Variants in TNPO1 observed in about 807,000 individuals in gnomAD.
The protein encoded by TNPO1 is transportin-1.
Under a neutral mutation model 119.5 loss-of-function variants are expected in TNPO1, and 8 were observed. The ratio of observed to expected loss-of-function variants is 0.07; its 90% CI spans 0.04 to 0.12. The LOEUF (loss-of-function observed/expected upper bound fraction) is 0.12, where lower values mean the gene tolerates loss of function less well. Ranked by LOEUF, TNPO1 falls within the 10% of genes least tolerant of loss-of-function variation. The probability of loss-of-function intolerance (pLI) is 1.00; values close to 1 mark genes in which losing one functional copy is unlikely to be tolerated. For missense variants in TNPO1, 576 were observed against 1,089.8 expected, an observed-to-expected ratio of 0.53 and a Z score of 6.64; for synonymous variants, 362 against 363.0, an observed-to-expected ratio of 1.00 and a Z score of 0.03.
At chr5:72,862,677 G>A (rs1401909378) in intron 5 of TNPO1, among the ~76,000 whole-genome samples, 1 of 150,976 alleles carries the variant, frequency 6.6e-6, no homozygotes. Context: ...ACAGGGTCTC[G>A]CTCTGTTGCC....
intron 1 of TNPO1, among the ~76,000 whole-genome samples, chr5:72,823,292 C>T (rs1744060296): frequency 6.6e-6 from 1 of 152,006 alleles, no homozygotes; most frequent in South Asian, 2.1e-4. Flanking sequence ...GCCCACTGTC[C>T]CACTCTCCAG....
intron 1 of TNPO1, among the ~76,000 whole-genome samples, chr5:72,842,500 A>G (rs895770433): frequency 8.5e-5 from 13 of 152,224 alleles, no homozygotes; most frequent in African/African-American, 2.9e-4. Context: ...ATTAGCTATC[A>G]CTATTACTAA....
At chr5:72,878,944 G>T in intron 9 of TNPO1, 1 of 503,166 alleles carries the variant, frequency 2.0e-6, no homozygotes, top group Non-Finnish European at 4.1e-6. Flanking sequence ...TTGAAATTTG[G>T]CACGAACCAT....
chr5:72,850,190 G>A (rs1388325722), intron 2 of TNPO1, among the ~76,000 whole-genome samples: 1 of 152,116 alleles, frequency 6.6e-6, no homozygotes, highest in Non-Finnish European at 1.5e-5. Context: ...AGTACTTTTT[G>A]AAAGACCGCT....
intron 2 of TNPO1, among the ~76,000 whole-genome samples, chr5:72,849,045 C>G (rs973828001): frequency 6.6e-6 from 1 of 151,658 alleles, no homozygotes. Context: ...CACGTCCTTG[C>G]CCTAAAAAGG....
intron 1 of TNPO1, among the ~76,000 whole-genome samples, chr5:72,819,837 CTTATG>C (rs775932129): frequency 5.3e-4 from 81 of 152,284 alleles, no homozygotes; most frequent in Non-Finnish European, 6.9e-4. Context: ...ACTTTTTCAT[CTTATG>C]TTATGAGGAT....
chr5:72,848,146 C>G, intron 1 of TNPO1: 1 of 1,208,912 alleles, frequency 8.3e-7, no homozygotes. Flanking sequence ...GCTCCTTGCG[C>G]TCGGCGGCCG....
At chr5:72,826,233 T>C (rs1744200958) in intron 1 of TNPO1, among the ~76,000 whole-genome samples, 1 of 152,154 alleles carries the variant, frequency 6.6e-6, no homozygotes, top group Non-Finnish European at 1.5e-5. Flanking sequence ...CTTTTTATTT[T>C]TTGCATAGCA....
Position 72,900,031 on chromosome 5 carries a change from C to T in TNPO1, c.2364C>T (p.Tyr788=). 1 of 1,613,800 alleles carries T rather than the reference C, an allele frequency of 6.2e-7. No homozygotes were observed. Among genetic ancestry groups the T allele is most frequent in the Non-Finnish European group, 8.5e-7 (1 of 1,179,850 alleles). The change falls in exon 21 of 25, where the codon TAC becomes TAT. Residue 788 remains tyrosine (Y), a synonymous_variant. Transcript: ENST00000337273. ...NTAITIGRLG[Y]VCPQEVAPML... ...CAATAACAATTGGTCGTCTTGGTTA[C>T]GTTTGTCCTCAAGAGGTGGCCCCCA...
In TNPO1 at chr5:72,843,494, T is replaced by C. The variant is rs183573300; in HGVS notation, c.16-4891T>C. Among the ~76,000 whole-genome samples the C allele has an allele frequency of 1.7e-3, 255 of 151,314 alleles. 2 individuals are homozygous for C. The highest frequency in any genetic ancestry group is 5.9e-3 in the African/African-American group (244 of 41,196). On this transcript the variant is annotated intron_variant, in intron 1 of 24. Transcript: ENST00000337273. ...CTGTAATCCCAGCTACTCGGGAGGC[T>C]GAGGCAGGAGAATTGTTTGAACCTG...
chr5:72,824,334 C>G (rs1744111445), intron 1 of TNPO1, among the ~76,000 whole-genome samples: 1 of 152,210 alleles, frequency 6.6e-6, no homozygotes, highest in African/African-American at 2.4e-5. Flanking sequence ...CCTTTGGGAG[C>G]AGTATTTCTC....
intron 1 of TNPO1, among the ~76,000 whole-genome samples, chr5:72,841,880 T>TA (rs973619164): frequency 0.02 from 2,903 of 143,098 alleles, 61 homozygotes; most frequent in African/African-American, 0.054. Flanking sequence ...CATTTTTCTG[T>TA]AAAAAAAAAA....
In TNPO1 at chr5:72,891,877, A is replaced by G; in HGVS notation, c.1769A>G (p.Asp590Gly). The G allele has an allele frequency of 6.2e-7, 1 of 1,611,584 alleles. No homozygotes were observed. The highest frequency in any genetic ancestry group is 1.1e-5 in the South Asian group (1 of 90,618). Residue 590 changes from aspartate (D) to glycine (G), a missense_variant, in exon 15 of 25, where the codon GAT becomes GGT. Asp to Gly is a moderately conservative substitution (Grantham distance 94). This residue lies in a region of TNPO1 where 23 missense variants were observed against 105.8 expected (regional missense o/e 0.22). Coordinates refer to ENST00000337273, the MANE Select transcript of TNPO1 (RefSeq NM_002270.4). ...KWNMLKDEDK[D>G]LFPLLECLSS... ...AACATGTTAAAGGATGAAGATAAAG[A>G]TCTCTTCCCTTTACTTGAGGTATGC...
intron 9 of TNPO1, chr5:72,878,738 A>G: frequency 4.1e-6 from 1 of 246,360 alleles, no homozygotes; most frequent in Non-Finnish European, 8.0e-6. Flanking sequence ...CACTTTAATG[A>G]TACGTTTGAG....
chr5:72,821,076 C>G (rs1229600036), intron 1 of TNPO1, among the ~76,000 whole-genome samples: 1 of 151,912 alleles, frequency 6.6e-6, no homozygotes, highest in African/African-American at 2.4e-5. Context: ...TAGTAAAACT[C>G]CTGGTAAAGT....
intron 13 of TNPO1, 132 bp from the exon 14 acceptor site, chr5:72,889,654 T>C: frequency 1.2e-6 from 1 of 862,218 alleles, no homozygotes; most frequent in Middle Eastern, 3.3e-4. Context: ...TGACCAGGGC[T>C]TTCATTAACA....
intron 2 of TNPO1, among the ~76,000 whole-genome samples, chr5:72,850,169 A>G (rs766297860): frequency 2.6e-5 from 4 of 152,218 alleles, no homozygotes; most frequent in Admixed American, 6.5e-5. Context: ...ATTATTTTGT[A>G]TAGGCTTTTG....
At chr5:72,877,143 C>T (rs1747855702) in intron 8 of TNPO1, 85 bp from the exon 9 acceptor site, 1 of 616,666 alleles carries the variant, frequency 1.6e-6, no homozygotes, top group African/African-American at 2.0e-5. Context: ...ACCATAAGGT[C>T]AAAAGCTTGC....
intron 3 of TNPO1, among the ~76,000 whole-genome samples, chr5:72,852,535 A>G (rs886073673): frequency 2.6e-5 from 4 of 152,206 alleles, no homozygotes; most frequent in African/African-American, 9.7e-5. Flanking sequence ...AAAGCGCTGT[A>G]CCCTATTCAG....
Sources: gnomAD v4.1 joint callset for allele counts (sites outside exome capture counted in the v4.1 genomes callset) on GRCh38, gnomAD v4.1.1 for gene constraint, gnomAD v4.1.1 regional missense constraint, MANE v1.5 for transcripts, NCBI Gene and HGNC (gene_info 2026-07-23, HGNC 2026-07-21) for gene names.